SOX5: variants seen among roughly 807,000 people sequenced by gnomAD.
The protein encoded by SOX5 is SRY-box transcription factor 5, also known as transcription factor SOX-5.
A neutral mutation model predicts 92.0 loss-of-function variants in SOX5; 9 were observed. The ratio of observed to expected loss-of-function variants is 0.10; its 90% CI spans 0.06 to 0.17. The LOEUF is 0.17. SOX5 is among the 10% of genes least tolerant of loss of function. SOX5 has a pLI of 1.00. For synonymous variants in SOX5, 344 were observed against 336.3 expected, an observed-to-expected ratio of 1.02 and a Z score of -0.25; for missense variants, 642 against 944.5, an observed-to-expected ratio of 0.68 and a Z score of 4.20.
At chr12:23,601,044 A>T (rs562678026) in intron 9 of SOX5, among the ~76,000 whole-genome samples, 1 of 152,144 alleles carries the variant, frequency 6.6e-6, no homozygotes, top group Non-Finnish European at 1.5e-5. Flanking sequence ...AAGTGAAATC[A>T]ATGTCTTGGA....
At chr12:24,550,461 A>G (rs1953049018) in intron 1 of SOX5, among the ~76,000 whole-genome samples, 1 of 152,174 alleles carries the variant, frequency 6.6e-6, no homozygotes, top group Non-Finnish European at 1.5e-5. Flanking sequence ...CTCATCCTTC[A>G]AACAGATGGA....
chr12:24,354,271 A>G (rs1954511308), intron 2 of SOX5, among the ~76,000 whole-genome samples: 1 of 152,206 alleles, frequency 6.6e-6, no homozygotes, highest in African/African-American at 2.4e-5. Flanking sequence ...GAAAACAAAC[A>G]AACAAAAAAC....
chr12:23,700,197 CT>C (rs200356452), intron 6 of SOX5, among the ~76,000 whole-genome samples: 138 of 150,372 alleles, frequency 9.2e-4, no homozygotes, highest in African/African-American at 2.2e-3. Context: ...ATATCTCTAA[CT>C]TTTTTTTTTC....
At chr12:23,973,160 CT>C (rs60609193) in intron 4 of SOX5, among the ~76,000 whole-genome samples, 51,381 of 111,534 alleles carry the variant, frequency 0.46, 8,677 homozygotes, top group Middle Eastern at 0.59. Context: ...TAACTTTTTT[CT>C]TTTTTTTTTT....
At chr12:24,033,476 A>G (rs949378401) in intron 4 of SOX5, among the ~76,000 whole-genome samples, 8 of 152,010 alleles carry the variant, frequency 5.3e-5, no homozygotes, top group Admixed American at 4.6e-4. Context: ...TTTTATGAAA[A>G]TTCAGTTCCA....
chr12:24,440,555 TCCC>T (rs1451971816), intron 1 of SOX5, among the ~76,000 whole-genome samples: 3 of 151,850 alleles, frequency 2.0e-5, no homozygotes, highest in Non-Finnish European at 4.4e-5. Context: ...TGTACCATGC[TCCC>T]TGAGTGGTTG....
At chr12:24,518,243 A>T (rs1046767815) in intron 1 of SOX5, among the ~76,000 whole-genome samples, 1 of 151,744 alleles carries the variant, frequency 6.6e-6, no homozygotes, top group Non-Finnish European at 1.5e-5. Flanking sequence ...TAATTTTTGT[A>T]TTTTTAGTAG....
chr12:23,552,377 A>G (rs1390217613), intron 11 of SOX5, among the ~76,000 whole-genome samples: 2 of 151,786 alleles, frequency 1.3e-5, no homozygotes, highest in Non-Finnish European at 2.9e-5. Flanking sequence ...GACCGGGGAA[A>G]CTCAATGATA....
intron 2 of SOX5, among the ~76,000 whole-genome samples, chr12:24,279,817 GAC>G: frequency 6.6e-6 from 1 of 152,134 alleles, no homozygotes; most frequent in Non-Finnish European, 1.5e-5. Context: ...CACATTCAGA[GAC>G]ACAGAAATAA....
At chr12:24,275,982 A>C (rs185852539) in intron 3 of SOX5, among the ~76,000 whole-genome samples, 1 of 151,998 alleles carries the variant, frequency 6.6e-6, no homozygotes, top group African/African-American at 2.4e-5. Context: ...TTGTTCTTGT[A>C]TCTCATTATC....
chr12:24,134,390 T>A (rs1349172674), intron 4 of SOX5, among the ~76,000 whole-genome samples: 1 of 152,196 alleles, frequency 6.6e-6, no homozygotes, highest in East Asian at 1.9e-4. Flanking sequence ...TTTTAAAGAT[T>A]GCAGGTTCAG....
chr12:24,239,817 T>C (rs1346025115), intron 3 of SOX5, among the ~76,000 whole-genome samples: 1 of 152,200 alleles, frequency 6.6e-6, no homozygotes, highest in Non-Finnish European at 1.5e-5. Flanking sequence ...CTGCAATTTA[T>C]GTTTATGCCA....
At chr12:23,837,954 GTATATGTTTATATTTATATAA>G (rs1263268075) in intron 3 of SOX5, among the ~76,000 whole-genome samples, 1 of 112,754 alleles carries the variant, frequency 8.9e-6, no homozygotes, top group African/African-American at 3.5e-5. Context: ...TATTTATATA[GTATATGTTTATATTTATATAA>G]TATATATTTA....
intron 8 of SOX5, among the ~76,000 whole-genome samples, chr12:23,619,770 G>T (rs1187290927): frequency 1.3e-5 from 2 of 152,112 alleles, no homozygotes; most frequent in African/African-American, 2.4e-5. Flanking sequence ...CCGCTTCAGT[G>T]TGGTTTTCTT....
chr12:23,535,832 G>T (rs1274086319), intron 14 of SOX5, among the ~76,000 whole-genome samples: 1 of 152,164 alleles, frequency 6.6e-6, no homozygotes, highest in African/African-American at 2.4e-5. Context: ...GTTTTTGAGA[G>T]AATTCTATAG....
Position 24,421,920 on chromosome 12 carries a change from G to A in SOX5, c.-250-53281C>T, listed in dbSNP as rs76804599. 4.6e-3 allele frequency among the ~76,000 whole-genome samples: 700 copies of A among 152,114 alleles called. 13 individuals carry two copies. The East Asian group carries it at 0.051, about 11-fold the overall frequency. On this transcript the variant is annotated intron_variant, in intron 1 of 4. Coordinates refer to the SOX5 transcript ENST00000446891. The stretch of plus-strand genomic sequence containing the variant: ...ACTATTAGCAGTATTTAATATCACC[G>A]GCCTTCATCAAACCTGGACAAAGGG...
In SOX5 at chr12:24,426,027, G is replaced by C. The variant is rs116649943; in HGVS notation, c.-250-57388C>G. Among the ~76,000 whole-genome samples, 1,107 of 152,200 alleles carry C rather than the reference G, an allele frequency of 7.3e-3. 13 individuals carry two copies. Among genetic ancestry groups the C allele is most frequent in the African/African-American group, 0.024 (1,007 of 41,526 alleles). On this transcript the variant is annotated intron_variant, in intron 1 of 4. Transcript: ENST00000446891. ...GAATGGTCAACCGAAAAAAACAAAA[G>C]AGCAATAATTAAAGTCATCATTATA...
intron 3 of SOX5, among the ~76,000 whole-genome samples, chr12:23,841,428 C>T (rs1197962538): frequency 6.6e-6 from 1 of 152,056 alleles, no homozygotes; most frequent in African/African-American, 2.4e-5. Context: ...ATAATCTTCT[C>T]ATAAATTCCA....
chr12:24,103,799 G>T (rs1261733281), intron 4 of SOX5, among the ~76,000 whole-genome samples: 4 of 152,032 alleles, frequency 2.6e-5, no homozygotes, highest in African/African-American at 9.7e-5. Flanking sequence ...TCAAATATGG[G>T]GTAAGGAGTA....
Sources: allele counts gnomAD v4.1 joint callset (sites outside exome capture counted in the v4.1 genomes callset), GRCh38; gene constraint gnomAD v4.1.1; transcripts MANE v1.5; gene names NCBI Gene and HGNC (gene_info 2026-07-23, HGNC 2026-07-21).